Variants in TUBGCP5 observed in about 807,000 individuals in gnomAD.
TUBGCP5 encodes the protein tubulin gamma complex component 5.
In TUBGCP5, 98 loss-of-function variants were observed where a neutral mutation model predicts 134.7. The observed-to-expected ratio is 0.73, with a 90% confidence interval of 0.62 to 0.86. The LOEUF (loss-of-function observed/expected upper bound fraction) is 0.86, where lower values mean the gene tolerates loss of function less well. TUBGCP5 is among the 40% of genes least tolerant of loss of function. The pLI is 0.00. For synonymous variants in TUBGCP5, 456 were observed against 431.4 expected (o/e 1.06, Z -0.71); for missense variants, 1,150 against 1,244.8 (o/e 0.92, Z 1.15).
intron 1 of TUBGCP5, among the ~76,000 whole-genome samples, chr15:23,037,794 TAGA>T (rs1035686536): frequency 1.1e-4 from 16 of 152,316 alleles, no homozygotes; most frequent in South Asian, 2.1e-4. Context: ...TCATTCATAA[TAGA>T]AGGAGATGCT....
chr15:23,000,968 T>A (rs2064338452), intron 21 of TUBGCP5, among the ~76,000 whole-genome samples: 1 of 152,216 alleles, frequency 6.6e-6, no homozygotes, highest in African/African-American at 2.4e-5. Flanking sequence ...TTTTTATTGT[T>A]TACAAGCATA....
At chr15:22,993,308 C>T (rs1456252829) in intron 23 of TUBGCP5, among the ~76,000 whole-genome samples, 4 of 151,958 alleles carry the variant, frequency 2.6e-5, no homozygotes, top group African/African-American at 9.7e-5. Context: ...CCATGTTGGT[C>T]AGGCTGGTCT....
At chr15:23,009,429 C>T (rs992355454) in intron 15 of TUBGCP5, among the ~76,000 whole-genome samples, 7 of 152,016 alleles carry the variant, frequency 4.6e-5, no homozygotes, top group South Asian at 2.1e-4. Flanking sequence ...GCACCACGCC[C>T]GGCGAATTTT....
At chr15:23,034,134 G>A (rs1380439664) in intron 3 of TUBGCP5, among the ~76,000 whole-genome samples, 1 of 152,162 alleles carries the variant, frequency 6.6e-6, no homozygotes, top group Non-Finnish European at 1.5e-5. Flanking sequence ...TAGATAGTTT[G>A]CGCAAACAGT....
At chr15:22,997,211 G>A (rs2140377300), downstream of TUBGCP5, among the ~76,000 whole-genome samples, 1 of 151,518 alleles carries the variant, frequency 6.6e-6, no homozygotes, top group South Asian at 2.1e-4. Flanking sequence ...ACGGAGTCTT[G>A]CTCTGTCACC....
At chr15:23,004,592 T>C (rs891514277) in intron 19 of TUBGCP5, 3 of 173,412 alleles carry the variant, frequency 1.7e-5, no homozygotes, top group Non-Finnish European at 3.6e-5. Flanking sequence ...TTACAGTGAA[T>C]TTATGTTTCT....
chr15:22,988,196 T>C (rs970061246), intron 23 of TUBGCP5, among the ~76,000 whole-genome samples: 4 of 151,944 alleles, frequency 2.6e-5, no homozygotes, highest in Non-Finnish European at 5.9e-5. Flanking sequence ...GGGATCATCT[T>C]AGATTATCTG....
intron 12 of TUBGCP5, among the ~76,000 whole-genome samples, chr15:23,018,841 G>A (rs1395144466): frequency 6.6e-6 from 1 of 151,950 alleles, no homozygotes; most frequent in Non-Finnish European, 1.5e-5. Flanking sequence ...ATATATTAGA[G>A]GCATACTCTG....
intron 23 of TUBGCP5, among the ~76,000 whole-genome samples, chr15:22,988,148 A>G (rs2063734799): frequency 8.7e-6 from 1 of 114,846 alleles, no homozygotes; most frequent in African/African-American, 3.7e-5. Context: ...AGTACCTTAT[A>G]TGAAGAAAGA....
At position 23,000,665 on chromosome 15, in the gene TUBGCP5, C is replaced by G. The variant is rs770634413; in HGVS notation, c.2932G>C (p.Glu978Gln). 75 of 1,596,028 alleles carry G rather than the reference C, an allele frequency of 4.7e-5. No individual in the cohort carries two copies. Among genetic ancestry groups the G allele is most frequent in the Non-Finnish European group, 5.9e-5 (69 of 1,168,238 alleles). Reference sequence around the variant, plus strand: ...TCAGATTCCATTTTCTCTATAGATTCCATTCTAGGAATAAAAGTAAATTTC... The same window carrying G: ...TCAGATTCCATTTTCTCTATAGATTGCATTCTAGGAATAAAAGTAAATTTC... ...WQAGLGTWRM[E>Q]SIEKMESDFK... Residue 978 changes from glutamate to glutamine, a missense_variant, in exon 22 of 23, where the codon GAA becomes CAA. This residue lies in a region of TUBGCP5 where 697 missense variants were observed against 850.1 expected (regional missense o/e 0.82). Coordinates refer to ENST00000615383, the MANE Select transcript of TUBGCP5 (RefSeq NM_052903.6).
chr15:23,018,152 A>C lies in TUBGCP5; in HGVS notation c.1488-111T>G, dbSNP rs113090908. 1.2e-5 allele frequency: 14 copies of C among 1,133,850 alleles called. 1 individual carries two copies. The highest frequency in any genetic ancestry group is 1.1e-4 in the African/African-American group (7 of 63,492). 70.2% of individuals were successfully genotyped at this position (1,133,850 alleles called of 1,614,324 possible). On this transcript the variant is annotated intron_variant, in intron 12 of 22. Transcript: ENST00000615383. ...AAAACATAGTATTAATTATTAGTAA[A>C]CTGAAGCAAACTTTAGGCAAAATGG...
chr15:23,009,803 C>A, intron 15 of TUBGCP5, 142 bp downstream of exon 15: 1 of 548,470 alleles, frequency 1.8e-6, no homozygotes, highest in African/African-American at 1.9e-5. Flanking sequence ...TATTGATGGT[C>A]AATTGATTTC....
At chr15:22,989,864 A>T (rs551447942) in intron 23 of TUBGCP5, among the ~76,000 whole-genome samples, 23 of 152,186 alleles carry the variant, frequency 1.5e-4, no homozygotes, top group African/African-American at 5.5e-4. Context: ...GAACTTTCTC[A>T]CTCACATCAC....
chr15:23,010,700 A>T (rs552338760), intron 14 of TUBGCP5, among the ~76,000 whole-genome samples: 1 of 152,082 alleles, frequency 6.6e-6, no homozygotes, highest in East Asian at 1.9e-4. Context: ...AAGGATAGGC[A>T]TGGCATGGTG....
intron 23 of TUBGCP5, among the ~76,000 whole-genome samples, chr15:22,987,895 CAAAA>C (rs869168765): frequency 2.9e-4 from 6 of 20,490 alleles, no homozygotes; most frequent in Admixed American, 7.9e-4. Context: ...GACTCCATCT[CAAAA>C]AAAAAAAAAA....
intron 3 of TUBGCP5, among the ~76,000 whole-genome samples, chr15:23,036,166 T>C (rs1454066231): frequency 3.3e-5 from 5 of 152,140 alleles, no homozygotes; most frequent in African/African-American, 1.2e-4. Flanking sequence ...GGCTACAGAC[T>C]CAGCAGCTAA....
intron 23 of TUBGCP5, among the ~76,000 whole-genome samples, chr15:22,984,535 A>C (rs2063625766): frequency 6.6e-6 from 1 of 152,024 alleles, no homozygotes; most frequent in South Asian, 2.1e-4. Context: ...CAGGAGAATC[A>C]CTTGAATCCA....
intron 23 of TUBGCP5, among the ~76,000 whole-genome samples, chr15:22,987,353 AAAAG>A (rs2063710209): frequency 6.6e-6 from 1 of 150,852 alleles, no homozygotes. Context: ...AAAAAAAAAG[AAAAG>A]AAAGTTACTG....
intron 7 of TUBGCP5, among the ~76,000 whole-genome samples, chr15:23,026,846 T>C (rs1256798471): frequency 2.0e-5 from 3 of 152,068 alleles, no homozygotes; most frequent in African/African-American, 7.2e-5. Flanking sequence ...AGGACGACAA[T>C]TGCTGGAACC....
Sources: allele counts gnomAD v4.1 joint callset (sites outside exome capture counted in the v4.1 genomes callset), GRCh38; gene constraint gnomAD v4.1.1; regional missense constraint gnomAD v4.1.1; transcripts MANE v1.5; gene names NCBI Gene and HGNC (gene_info 2026-07-23, HGNC 2026-07-21).